Variants in SCARA5 observed in about 807,000 individuals in gnomAD.
SCARA5 encodes scavenger receptor class A member 5.
SCARA5 carries 45 observed loss-of-function variants against 46.3 expected under a neutral mutation model. That is an observed-to-expected ratio of 0.97 (90% CI 0.76 to 1.24). The LOEUF is 1.24. SCARA5 is among the 50% of genes most tolerant of loss of function. SCARA5 has a pLI of 0.00. For synonymous variants in SCARA5, 333 were observed against 306.5 expected (o/e 1.09, Z -0.90); for missense variants, 680 against 689.0 (o/e 0.99, Z 0.15).
intron 2 of SCARA5, among the ~76,000 whole-genome samples, chr8:27,969,075 G>A (rs953956864): frequency 6.6e-6 from 1 of 152,194 alleles, no homozygotes; most frequent in Non-Finnish European, 1.5e-5. Flanking sequence ...AGCAGAACAT[G>A]AATGATCTGG....
At chr8:27,988,944 ACAATGC>A (rs1262191542) in intron 1 of SCARA5, among the ~76,000 whole-genome samples, 29 of 151,928 alleles carry the variant, frequency 1.9e-4, no homozygotes, top group Admixed American at 1.9e-3. Flanking sequence ...CAGTGGGGGG[ACAATGC>A]CTGTTGATTG....
rs1027795580 is a variant in SCARA5 at position 27,869,981 on chromosome 8, C to T, written c.*1953G>A. On this transcript the variant is annotated 3_prime_UTR_variant, in exon 9 of 9. Transcript: ENST00000354914. ...TGCTTTGGTCCCTGAAATGCAGGCCCATGGTCATTTCCATGTCCTCTGAAG... is the reference window on the plus strand; with the variant it reads ...TGCTTTGGTCCCTGAAATGCAGGCCTATGGTCATTTCCATGTCCTCTGAAG... 2 of 152,238 alleles carry T rather than the reference C, an allele frequency of 1.3e-5. No individual in the cohort carries two copies. Among genetic ancestry groups the T allele is most frequent in the African/African-American group, 4.8e-5 (2 of 41,458 alleles). The allele number at this position is 152,238 out of a possible 1,614,324, so 9.4% of individuals were successfully genotyped here.
intron 3 of SCARA5, among the ~76,000 whole-genome samples, chr8:27,924,017 C>T (rs1009511362): frequency 1.3e-5 from 2 of 152,148 alleles, no homozygotes; most frequent in East Asian, 1.9e-4. Flanking sequence ...GTGTCTTCAT[C>T]GTTAGAATCT....
chr8:27,918,044 C>G (rs1040931149), intron 4 of SCARA5, among the ~76,000 whole-genome samples: 4 of 152,160 alleles, frequency 2.6e-5, no homozygotes, highest in African/African-American at 9.7e-5. Flanking sequence ...GCACTGCACT[C>G]TTAATGCTGG....
At chr8:27,898,391 A>G (rs957325929) in intron 7 of SCARA5, among the ~76,000 whole-genome samples, 4 of 152,176 alleles carry the variant, frequency 2.6e-5, no homozygotes, top group African/African-American at 4.8e-5. Context: ...AGAACCGGGG[A>G]AAAAAGAGGA....
intron 3 of SCARA5, among the ~76,000 whole-genome samples, chr8:27,945,652 G>A (rs565452752): frequency 3.3e-5 from 5 of 152,268 alleles, no homozygotes; most frequent in African/African-American, 1.2e-4. Flanking sequence ...ATAGCCTTCT[G>A]GAAGATAAGA....
chr8:27,949,704 G>A (rs1808093761), intron 3 of SCARA5, among the ~76,000 whole-genome samples: 2 of 152,210 alleles, frequency 1.3e-5, no homozygotes, highest in African/African-American at 2.4e-5. Flanking sequence ...TTTCCCCGTG[G>A]AAACTCACGC....
At chr8:27,926,692 G>C (rs1259059543) in intron 3 of SCARA5, among the ~76,000 whole-genome samples, 1 of 152,196 alleles carries the variant, frequency 6.6e-6, no homozygotes, top group Non-Finnish European at 1.5e-5. Context: ...GATTTATTTA[G>C]TGCAGTTTGA....
At chr8:27,916,365 G>C (rs148498935) in intron 4 of SCARA5, among the ~76,000 whole-genome samples, 1 of 152,266 alleles carries the variant, frequency 6.6e-6, no homozygotes, top group Non-Finnish European at 1.5e-5. Context: ...ACATGTGCAT[G>C]TGTGTGTACA....
intron 8 of SCARA5, 104 bp from the exon 9 acceptor site, chr8:27,872,174 T>C (rs1806650415): frequency 2.4e-6 from 3 of 1,239,786 alleles, no homozygotes; most frequent in Middle Eastern, 1.9e-4. Flanking sequence ...TGCTGTACAC[T>C]CAAACCTAGG....
intron 7 of SCARA5, among the ~76,000 whole-genome samples, chr8:27,893,691 C>CTTA (rs1217156171): frequency 6.6e-6 from 1 of 152,194 alleles, no homozygotes; most frequent in East Asian, 1.9e-4. Context: ...ATTTTAAAGC[C>CTTA]AGGATCTGGT....
rs1336234954 is a variant in SCARA5 at position 27,906,145 on chromosome 8, A to G, written c.1096+1003T>C. 3.3e-5 allele frequency among the ~76,000 whole-genome samples: 5 copies of G among 152,388 alleles called. No individual in the cohort carries two copies. The South Asian group carries it at 6.2e-4, about 19-fold the overall frequency. On this transcript the variant is annotated intron_variant, in intron 6 of 8. Transcript: ENST00000354914. The stretch of plus-strand genomic sequence containing the variant: ...ACCAGAAAGTAAAATAAAATTTCTC[A>G]GTGATCTAAGATCAAGAGATCACCC...
intron 2 of SCARA5, among the ~76,000 whole-genome samples, chr8:27,983,659 G>A (rs1158490818): frequency 6.6e-6 from 1 of 152,172 alleles, no homozygotes; most frequent in East Asian, 1.9e-4. Context: ...TCCCAGAGGA[G>A]CAAAACACAG....
intron 3 of SCARA5, among the ~76,000 whole-genome samples, chr8:27,962,745 T>A (rs1248694650): frequency 2.0e-5 from 3 of 152,192 alleles, no homozygotes; most frequent in Admixed American, 1.3e-4. Flanking sequence ...TTTGTATAAT[T>A]TGGCAACAGC....
rs896209497 is a variant in SCARA5 at position 27,881,737 on chromosome 8, G to A, written c.1154-1971C>T. On this transcript the variant is annotated intron_variant, in intron 7 of 8. Coordinates refer to ENST00000354914, the MANE Select transcript of SCARA5 (RefSeq NM_173833.6). ...TTTTTTAAAGAGCAGTTTTAGGTTC[G>A]CAGAAAAATTGATTGAAAGGTACAG... is the stretch of plus-strand genomic sequence containing the variant. Among the ~76,000 whole-genome samples, 10 of 152,032 alleles carry A rather than the reference G, an allele frequency of 6.6e-5. 1 individual carries two copies. Among genetic ancestry groups the A allele is most frequent in the South Asian group, 4.1e-4 (2 of 4,828 alleles).
chr8:27,934,547 A>G (rs1258172196), intron 3 of SCARA5, among the ~76,000 whole-genome samples: 2 of 152,154 alleles, frequency 1.3e-5, no homozygotes, highest in East Asian at 1.9e-4. Context: ...TTGTCACCCA[A>G]TCGGGGTCCA....
intron 4 of SCARA5, among the ~76,000 whole-genome samples, chr8:27,914,753 G>A (rs1208093926): frequency 6.6e-6 from 1 of 152,168 alleles, no homozygotes; most frequent in Non-Finnish European, 1.5e-5. Flanking sequence ...TGGGGTCCCT[G>A]CTCAGGCTTT....
chr8:27,958,359 G>T (rs1440067089), intron 3 of SCARA5, among the ~76,000 whole-genome samples: 1 of 152,230 alleles, frequency 6.6e-6, no homozygotes, highest in East Asian at 1.9e-4. Context: ...AGCTCTGATG[G>T]CTAGGGCAGC....
chr8:27,922,234 G>A lies in SCARA5; in HGVS notation c.253C>T (p.Arg85Cys). Reference protein sequence around the residue: ...GIFILAVSRPRSSPDDLKALT... With the variant: ...GIFILAVSRPCSSPDDLKALT... The stretch of plus-strand genomic sequence containing the variant: ...GCCTTCAGGTCGTCAGGGGAGCTGC[G>A]CGGCCTGGACACTGCGGAGGAGGAA... Residue 85 changes from arginine (R) to cysteine (C), a missense_variant, in exon 4 of 9, where the codon CGC becomes TGC. Transcript: ENST00000354914. The A allele has an allele frequency of 7.0e-6, 11 of 1,566,800 alleles. No homozygotes were observed. Among genetic ancestry groups the A allele is most frequent in the Non-Finnish European group, 9.5e-6 (11 of 1,155,052 alleles).
Sources: gnomAD v4.1 joint callset for allele counts (sites outside exome capture counted in the v4.1 genomes callset) on GRCh38, gnomAD v4.1.1 for gene constraint, MANE v1.5 for transcripts, NCBI Gene and HGNC (gene_info 2026-07-23, HGNC 2026-07-21) for gene names.